TMEFF2: variants seen among roughly 807,000 people sequenced by gnomAD.
TMEFF2 encodes the protein transmembrane protein with EGF like and two follistatin like domains 2.
Under a neutral mutation model 53.8 loss-of-function variants are expected in TMEFF2, and 28 were observed. That is an observed-to-expected ratio of 0.52 (90% confidence interval 0.39 to 0.71). The LOEUF is 0.71. Ranked by LOEUF, TMEFF2 falls within the 30% of genes least tolerant of loss-of-function variation. The probability of loss-of-function intolerance (pLI) is 0.00; values close to 1 mark genes in which losing one functional copy is unlikely to be tolerated. For synonymous variants in TMEFF2, 162 were observed against 166.3 expected (o/e 0.97, Z 0.20); for missense variants, 353 against 455.2 (o/e 0.78, Z 2.04).
intron 8 of TMEFF2, among the ~76,000 whole-genome samples, chr2:191,954,139 A>G (rs571520156): frequency 9.3e-4 from 142 of 152,078 alleles, no homozygotes; most frequent in Non-Finnish European, 1.6e-3. Context: ...CGCCCACCTC[A>G]GCCTCCCAAA....
chr2:192,093,385 AAATT>A lies in TMEFF2; in HGVS notation c.440-35614_440-35611del, dbSNP rs539737441. Among the ~76,000 whole-genome samples, 901 of 149,538 alleles carry A rather than the reference AAATT, an allele frequency of 6.0e-3. 5 individuals are homozygous for A. The highest frequency in any genetic ancestry group is 0.021 in the African/African-American group (868 of 40,564). ...TCAAATTCTGTTTCTATGTTCTTATAAATTATTTGTCCACAAAAGAGCGTTCATT... is the reference window on the plus strand; with the variant it reads ...TCAAATTCTGTTTCTATGTTCTTATAATTTGTCCACAAAAGAGCGTTCATT... On this transcript the variant is annotated intron_variant, in intron 4 of 9. Coordinates refer to ENST00000272771, the MANE Select transcript of TMEFF2 (RefSeq NM_016192.4).
intron 7 of TMEFF2, among the ~76,000 whole-genome samples, chr2:191,965,036 T>A (rs1692430787): frequency 6.6e-6 from 1 of 152,170 alleles, no homozygotes; most frequent in Non-Finnish European, 1.5e-5. Flanking sequence ...CTTGTTGCAG[T>A]TTAAACATTT....
At chr2:192,078,755 C>T (rs1308580407) in intron 4 of TMEFF2, among the ~76,000 whole-genome samples, 4 of 152,064 alleles carry the variant, frequency 2.6e-5, no homozygotes, top group East Asian at 1.9e-4. Flanking sequence ...ACTCTCTAAT[C>T]GACTATATCA....
At chr2:192,134,488 A>G (rs1236550943) in intron 4 of TMEFF2, among the ~76,000 whole-genome samples, 4 of 152,086 alleles carry the variant, frequency 2.6e-5, no homozygotes, top group Non-Finnish European at 5.9e-5. Context: ...AGAACCTCTC[A>G]TTTCCTTTCC....
chr2:192,050,922 A>G (rs76801265), intron 5 of TMEFF2, among the ~76,000 whole-genome samples: 2,116 of 152,300 alleles, frequency 0.014, 61 homozygotes, highest in African/African-American at 0.048. Context: ...GTGGAAAGAT[A>G]TGTGCTTCCC....
chr2:192,158,047 C>A (rs529088988), intron 4 of TMEFF2, among the ~76,000 whole-genome samples: 9 of 152,044 alleles, frequency 5.9e-5, no homozygotes, highest in Admixed American at 2.0e-4. Flanking sequence ...TTTTTGCCTC[C>A]CTGGCACAGT....
rs767606631 is a variant in TMEFF2 at position 191,950,420 on chromosome 2, A to G, written c.1029-13T>C. On this transcript the variant is annotated splice_polypyrimidine_tract_variant and intron_variant, in intron 9 of 9. Transcript: ENST00000272771. ...TCTGGGGCATTTCCTGGAAGGTTGG[A>G]AAGTTTACAAATCTCAGTCCAATGC... The G allele has an allele frequency of 1.2e-6, 2 of 1,613,988 alleles. No individual in the cohort carries two copies. The highest frequency in any genetic ancestry group is 3.3e-5 in the Admixed American group (2 of 60,010).
intron 5 of TMEFF2, among the ~76,000 whole-genome samples, chr2:192,039,362 A>G (rs1357790245): frequency 1.7e-4 from 26 of 152,224 alleles, no homozygotes; most frequent in Admixed American, 1.7e-3. Context: ...ACCCATAATT[A>G]TAATTGCTAG....
At chr2:192,074,549 C>G (rs1688363394) in intron 4 of TMEFF2, among the ~76,000 whole-genome samples, 1 of 151,806 alleles carries the variant, frequency 6.6e-6, no homozygotes, top group South Asian at 2.1e-4. Flanking sequence ...AAATGGAAAT[C>G]AAATGTTCTA....
intron 4 of TMEFF2, among the ~76,000 whole-genome samples, chr2:192,078,804 C>T (rs1024162713): frequency 8.5e-5 from 13 of 152,192 alleles, no homozygotes; most frequent in African/African-American, 2.2e-4. Context: ...AAATGTTTCT[C>T]AAACTTAAGA....
At chr2:192,019,969 TACAC>T (rs1345857757) in intron 5 of TMEFF2, among the ~76,000 whole-genome samples, 1 of 152,136 alleles carries the variant, frequency 6.6e-6, no homozygotes, top group Non-Finnish European at 1.5e-5. Flanking sequence ...TCTGAGCAGA[TACAC>T]ACACTAAAAT....
chr2:192,116,512 A>G (rs1366011414), intron 4 of TMEFF2, among the ~76,000 whole-genome samples: 4 of 151,974 alleles, frequency 2.6e-5, no homozygotes, highest in African/African-American at 9.6e-5. Context: ...CAAAATGAAA[A>G]TAAATGAATC....
At chr2:192,075,279 G>A (rs1688381819) in intron 4 of TMEFF2, among the ~76,000 whole-genome samples, 1 of 51,864 alleles carries the variant, frequency 1.9e-5, no homozygotes, top group African/African-American at 5.7e-5. Context: ...CCAGAGTACA[G>A]TACTATTATA....
intron 4 of TMEFF2, among the ~76,000 whole-genome samples, chr2:192,128,194 C>T (rs777933130): frequency 1.3e-5 from 2 of 152,114 alleles, no homozygotes; most frequent in Non-Finnish European, 2.9e-5. Flanking sequence ...CTACAATTTT[C>T]AAGAAGCTAA....
intron 3 of TMEFF2, among the ~76,000 whole-genome samples, chr2:192,180,330 ATTTTTCTTTC>A (rs1691154740): frequency 6.6e-6 from 1 of 151,314 alleles, no homozygotes; most frequent in African/African-American, 2.4e-5. Context: ...CCTCTTCTGG[ATTTTTCTTTC>A]ACCACTTCTT....
intron 4 of TMEFF2, among the ~76,000 whole-genome samples, chr2:192,169,746 A>G (rs780560446): frequency 6.6e-6 from 1 of 152,052 alleles, no homozygotes; most frequent in Non-Finnish European, 1.5e-5. Context: ...ACTATTCACA[A>G]TGGAAAATCC....
intron 5 of TMEFF2, among the ~76,000 whole-genome samples, chr2:192,016,658 A>G (rs1403958740): frequency 1.3e-5 from 2 of 152,260 alleles, no homozygotes; most frequent in African/African-American, 4.8e-5. Flanking sequence ...CAGCCAAAGA[A>G]TGAAAATCAG....
intron 5 of TMEFF2, 101 bp from the exon 6 acceptor site, chr2:191,999,309 G>T: frequency 9.3e-7 from 1 of 1,074,166 alleles, no homozygotes; most frequent in Non-Finnish European, 1.3e-6. Flanking sequence ...CAAAATGCAA[G>T]TTGGCAAAAT....
chr2:192,067,173 G>C (rs965012461), intron 4 of TMEFF2, among the ~76,000 whole-genome samples: 1 of 151,848 alleles, frequency 6.6e-6, no homozygotes. Flanking sequence ...TTATGGAAGA[G>C]TAGTGTTGAG....
Sources: gnomAD v4.1 joint callset for allele counts (sites outside exome capture counted in the v4.1 genomes callset) on GRCh38, gnomAD v4.1.1 for gene constraint, MANE v1.5 for transcripts, NCBI Gene and HGNC (gene_info 2026-07-23, HGNC 2026-07-21) for gene names.